ZNF99: variants seen among roughly 807,000 people sequenced by gnomAD.
ZNF99 encodes the protein zinc finger protein ENSP00000375192.
In ZNF99, 8 loss-of-function variants were observed where a neutral mutation model predicts 12.8. The ratio of observed to expected loss-of-function variants is 0.62; its 90% CI spans 0.37 to 1.13. The LOEUF (loss-of-function observed/expected upper bound fraction) is 1.13, where lower values mean the gene tolerates loss of function less well. ZNF99 is among the 50% of genes most tolerant of loss of function. The pLI, the probability that ZNF99 is intolerant of heterozygous loss-of-function variation, is 0.02. For synonymous variants in ZNF99, 318 were observed against 319.0 expected (o/e 1.00, Z 0.03); for missense variants, 1,007 against 1,006.2 (o/e 1.00, Z -0.01).
In ZNF99 at chr19:22,768,496, T is replaced by A. The variant is rs192850061; in HGVS notation, c.131-96A>T. On this transcript the variant is annotated intron_variant, in intron 2 of 3. Transcript: ENST00000596209. ...GTAATAGAATATTCTAGTAAATTGA[T>A]CCCTCAATACTAATTTATAACATAA... is the stretch of plus-strand genomic sequence containing the variant. The A allele has an allele frequency of 1.2e-3, 1,149 of 982,388 alleles. 17 individuals are homozygous for A. The African/African-American group carries it at 0.016, about 14-fold the overall frequency. The allele number at this position is 982,388 out of a possible 1,614,324, so 60.9% of individuals were successfully genotyped here.
intron 3 of ZNF99, 54 bp downstream of exon 3, chr19:22,768,251 C>T (rs1319323625): frequency 6.3e-7 from 1 of 1,585,730 alleles, no homozygotes; most frequent in Non-Finnish European, 8.6e-7. Context: ...CTGGCTTTCT[C>T]CTGGACCTCT....
At chr19:22,769,774 TAAAG>T (rs1354147775) in intron 1 of ZNF99, 8 of 967,702 alleles carry the variant, frequency 8.3e-6, no homozygotes, top group East Asian at 1.6e-4. Flanking sequence ...AAAAAAAAAA[TAAAG>T]AAAAGAAAAA....
chr19:22,782,233 T>G (rs1973395272), intron 1 of ZNF99, among the ~76,000 whole-genome samples: 1 of 152,192 alleles, frequency 6.6e-6, no homozygotes. Context: ...GACATAATAC[T>G]CTGCTTGAGA....
At chr19:22,780,836 A>G (rs1023491451) in intron 1 of ZNF99, among the ~76,000 whole-genome samples, 3 of 152,200 alleles carry the variant, frequency 2.0e-5, no homozygotes, top group Non-Finnish European at 4.4e-5. Flanking sequence ...ACCCTGCAAA[A>G]GGAGGAACTG....
intron 1 of ZNF99, among the ~76,000 whole-genome samples, chr19:22,778,060 G>A (rs1973348612): frequency 6.6e-6 from 1 of 150,752 alleles, no homozygotes. Flanking sequence ...AATACCTAAC[G>A]TAAATGATGA....
At chr19:22,769,452 T>C (rs1973241403) in intron 1 of ZNF99, 128 bp from the exon 2 acceptor site, 3 of 1,022,968 alleles carry the variant, frequency 2.9e-6, no homozygotes, top group Non-Finnish European at 1.4e-6. Flanking sequence ...CTGAACGTAT[T>C]CAGTAAAATA....
chr19:22,775,993 G>A (rs1307536313), intron 1 of ZNF99, among the ~76,000 whole-genome samples: 1 of 152,000 alleles, frequency 6.6e-6, no homozygotes, highest in Non-Finnish European at 1.5e-5. Context: ...CTGCACTCGA[G>A]CCTAGGCAAC....
chr19:22,757,846 T>C lies in ZNF99; in HGVS notation c.2063A>G (p.His688Arg). ...KCEECGKAFN[H>R]FSALRKHKII... Reference sequence around the variant, plus strand: ...CTTATGTTTCCTAAGGGCTGAGAAATGGTTAAAAGCCTTGCCACATTCTTC... The same window carrying C: ...CTTATGTTTCCTAAGGGCTGAGAAACGGTTAAAAGCCTTGCCACATTCTTC... Residue 688 changes from histidine (H) to arginine (R), a missense_variant, in exon 4 of 4, where the codon CAT becomes CGT. His to Arg is a conservative substitution (Grantham distance 29). Coordinates refer to ENST00000596209, the MANE Select transcript of ZNF99 (RefSeq NM_001080409.3). 2 of 1,611,718 alleles carry C rather than the reference T, an allele frequency of 1.2e-6. No individual in the cohort carries two copies. The highest frequency in any genetic ancestry group is 1.3e-5 in the African/African-American group (1 of 74,642).
chr19:22,756,032 C>A lies in ZNF99; in HGVS notation c.*1282G>T. 1 of 1,057,608 alleles carries A rather than the reference C, an allele frequency of 9.5e-7. No homozygotes were observed. The highest frequency in any genetic ancestry group is 1.3e-6 in the Non-Finnish European group (1 of 741,290). The allele number at this position is 1,057,608 out of a possible 1,614,324, so 65.5% of individuals were successfully genotyped here. ...GTTAAAGGCTTTGCCACATTCTTTA[C>A]ATTTGTGGGGTTTCTCTCCAGCATG... is the stretch of plus-strand genomic sequence containing the variant. On this transcript the variant is annotated 3_prime_UTR_variant, in exon 4 of 4. Transcript: ENST00000596209.
rs1468496105 is a variant in ZNF99 at position 22,759,087 on chromosome 19, T to C, written c.822A>G (p.Lys274=). Residue 274 remains lysine (K), a synonymous_variant, in exon 4 of 4, where the codon AAA becomes AAG. Coordinates refer to ENST00000596209, the MANE Select transcript of ZNF99 (RefSeq NM_001080409.3). ...TCTTCCCAGTATGAATTATCTTATG[T>C]TTCATAAGGGTTGAGGAATTGTTAA... is the stretch of plus-strand genomic sequence containing the variant. ...KVFNNSSTLM[K]HKIIHTGKKP... 6.2e-7 allele frequency: 1 copy of C among 1,613,474 alleles called. No individual in the cohort carries two copies. Among genetic ancestry groups the C allele is most frequent in the Non-Finnish European group, 8.5e-7 (1 of 1,179,678 alleles).
chr19:22,783,311 C>A (rs1264572641), intron 1 of ZNF99, among the ~76,000 whole-genome samples: 1 of 124,914 alleles, frequency 8.0e-6, no homozygotes, highest in South Asian at 2.3e-4. Context: ...ATTAATAATT[C>A]AAGTGCTTTT....
At position 22,753,491 on chromosome 19, in the gene ZNF99, G is replaced by A. The variant is rs1186018452; in HGVS notation, c.*3823C>T. On this transcript the variant is annotated 3_prime_UTR_variant, in exon 4 of 4. Coordinates refer to ENST00000596209, the MANE Select transcript of ZNF99 (RefSeq NM_001080409.3). ...TTTTTCCAAATTTATTACATTTGCA[G>A]GTTTTTTTCTCTATTATACATTCCC... The A allele has an allele frequency of 1.3e-5, 2 of 151,846 alleles. No homozygotes were observed. Among genetic ancestry groups the A allele is most frequent in the African/African-American group, 4.8e-5 (2 of 41,364 alleles). The allele number at this position is 151,846 out of a possible 1,614,324, so 9.4% of individuals were successfully genotyped here. A position where few individuals can be genotyped will look rare whatever the true frequency, so the allele number is the denominator to read the frequency against.
At chr19:22,766,613 A>G (rs1290012402) in intron 3 of ZNF99, among the ~76,000 whole-genome samples, 5 of 151,736 alleles carry the variant, frequency 3.3e-5, no homozygotes, top group Non-Finnish European at 7.4e-5. Flanking sequence ...CTGGGATTAC[A>G]GGCATGAGCC....
intron 1 of ZNF99, among the ~76,000 whole-genome samples, 166 bp downstream of exon 1, chr19:22,783,848 C>T (rs769882314): frequency 2.0e-5 from 3 of 152,170 alleles, no homozygotes; most frequent in Non-Finnish European, 4.4e-5. Flanking sequence ...GCAGTCAGCG[C>T]AGCCGCCATC....
intron 1 of ZNF99, among the ~76,000 whole-genome samples, chr19:22,776,315 C>A (rs1288794095): frequency 2.1e-5 from 3 of 144,568 alleles, no homozygotes; most frequent in East Asian, 2.1e-4. Flanking sequence ...TATGCCACTG[C>A]GCTTTAGCTT....
At chr19:22,767,058 C>A (rs1973212150) in intron 3 of ZNF99, among the ~76,000 whole-genome samples, 1 of 149,868 alleles carries the variant, frequency 6.7e-6, no homozygotes, top group Non-Finnish European at 1.5e-5. Flanking sequence ...TAACTTGATT[C>A]CAGGAGTTTG....
Position 22,758,565 on chromosome 19 carries a change from A to C in ZNF99, c.1344T>G (p.Thr448=), listed in dbSNP as rs376901603. 3 of 1,613,150 alleles carry C rather than the reference A, an allele frequency of 1.9e-6. No homozygotes were observed. The Admixed American group carries it at 5.0e-5, about 27-fold the overall frequency. ...CTTCACATTTGTAGGGTTGCTTTCC[A>C]GTATGAATTATCTTATGTTTTCTAA... is the stretch of plus-strand genomic sequence containing the variant. The part of the protein sequence containing the change: ...SALRKHKIIH[T]GKQPYKCEEC... Residue 448 remains threonine (T), a synonymous_variant, in exon 4 of 4, where the codon ACT becomes ACG. Coordinates refer to ENST00000596209, the MANE Select transcript of ZNF99 (RefSeq NM_001080409.3).
At chr19:22,768,212 G>A (rs1410587958) in intron 3 of ZNF99, 93 bp downstream of exon 3, 19 of 1,385,854 alleles carry the variant, frequency 1.4e-5, no homozygotes, top group African/African-American at 1.2e-4. Context: ...TTCCTTTGGA[G>A]CACAGCTTCT....
chr19:22,783,715 C>T (rs747308891), intron 1 of ZNF99, among the ~76,000 whole-genome samples: 1 of 152,184 alleles, frequency 6.6e-6, no homozygotes, highest in Non-Finnish European at 1.5e-5. Context: ...CCCCTGACGC[C>T]CCTCCCGTGG....
Sources: gnomAD v4.1 joint callset for allele counts (sites outside exome capture counted in the v4.1 genomes callset) on GRCh38, gnomAD v4.1.1 for gene constraint, MANE v1.5 for transcripts, NCBI Gene and HGNC (gene_info 2026-07-23, HGNC 2026-07-21) for gene names.